The following FAM227B variants were observed in gnomAD, a reference collection of about 807,000 sequenced individuals.
FAM227B encodes protein FAM227B.
In FAM227B, 88 loss-of-function variants were observed where a neutral mutation model predicts 73.8. That is an observed-to-expected ratio of 1.19 (90% CI 1.00 to 1.42). The LOEUF (loss-of-function observed/expected upper bound fraction) is 1.42. Among genes scored for constraint, FAM227B ranks in the 40% most tolerant of loss-of-function variants. The pLI is 0.00. For synonymous variants in FAM227B, 210 were observed against 190.5 expected, an observed-to-expected ratio of 1.10 and a Z score of -0.84; for missense variants, 632 against 590.9, an observed-to-expected ratio of 1.07 and a Z score of -0.72.
At chr15:49,475,601 A>G (rs1369834880) in intron 11 of FAM227B, among the ~76,000 whole-genome samples, 5 of 133,784 alleles carry the variant, frequency 3.7e-5, no homozygotes, top group African/African-American at 1.2e-4. Flanking sequence ...TTTATTATTT[A>G]TTAAATTTAT....
At chr15:49,373,503 G>A (rs2045972790) in intron 11 of FAM227B, among the ~76,000 whole-genome samples, 1 of 151,712 alleles carries the variant, frequency 6.6e-6, no homozygotes, top group Non-Finnish European at 1.5e-5. Context: ...CTGAAAGCTT[G>A]GGAATATTAC....
intron 9 of FAM227B, among the ~76,000 whole-genome samples, chr15:49,563,592 C>A (rs28871940): frequency 2.0e-5 from 3 of 151,936 alleles, no homozygotes; most frequent in Non-Finnish European, 4.4e-5. Flanking sequence ...CTTCTGACTA[C>A]ACTATAAGGT....
chr15:49,535,802 G>C (rs987050516), intron 10 of FAM227B, among the ~76,000 whole-genome samples: 4 of 151,708 alleles, frequency 2.6e-5, no homozygotes, highest in Non-Finnish European at 5.9e-5. Context: ...AACACAATCA[G>C]TTATGATAGC....
At chr15:49,396,401 G>A (rs1232296889) in intron 11 of FAM227B, 7 of 213,556 alleles carry the variant, frequency 3.3e-5, no homozygotes, top group Admixed American at 2.1e-4. Flanking sequence ...AAACTGCAAG[G>A]CGGCAGCGAG....
rs188745565 is a variant in FAM227B, at chr15:49,565,199, T to C, written c.747+3046A>G. 2.1e-3 allele frequency among the ~76,000 whole-genome samples: 314 copies of C among 151,882 alleles called. 1 individual carries two copies. The highest frequency in any genetic ancestry group is 6.9e-3 in the South Asian group (33 of 4,792). On this transcript the variant is annotated intron_variant, in intron 9 of 15. Transcript: ENST00000299338. The stretch of plus-strand genomic sequence containing the variant: ...GAGTTCAAGAACAGTGTGGCCAATA[T>C]GGTGAAACCCCGTCTCTACTAAAAA...
chr15:49,441,571 T>C (rs547025108), intron 11 of FAM227B, among the ~76,000 whole-genome samples: 6 of 151,660 alleles, frequency 4.0e-5, no homozygotes, highest in African/African-American at 4.8e-5. Context: ...AGGATTTCCA[T>C]ATATAGAGAG....
At position 49,611,214 on chromosome 15, in the gene FAM227B, C is replaced by G. The variant is rs768626656; in HGVS notation, c.105+1G>C. On this transcript the variant is annotated splice_donor_variant, in intron 3 of 15. Coordinates refer to ENST00000299338, the MANE Select transcript of FAM227B (RefSeq NM_152647.3). LOFTEE classifies it high-confidence loss of function. ...CACATAAAATAAGATGCTTTACTCA[C>G]CCAATTTTGAAACTTTAAGAATTCT... 1.3e-6 allele frequency: 2 copies of G among 1,576,714 alleles called. No homozygotes were observed. Among genetic ancestry groups the G allele is most frequent in the Non-Finnish European group, 1.7e-6 (2 of 1,149,126 alleles).
intron 8 of FAM227B, among the ~76,000 whole-genome samples, chr15:49,573,894 G>A (rs889377633): frequency 6.6e-6 from 1 of 152,128 alleles, no homozygotes; most frequent in Non-Finnish European, 1.5e-5. Context: ...TATACGTACT[G>A]ATTTGTGTAT....
At chr15:49,620,270 T>C (rs2078607027) in intron 1 of FAM227B, 1 of 152,258 alleles carries the variant, frequency 6.6e-6, no homozygotes, top group South Asian at 2.1e-4. Context: ...CATGCTTTAC[T>C]TGATATCGTG....
At chr15:49,411,234 A>AG (rs2151685081) in intron 11 of FAM227B, among the ~76,000 whole-genome samples, 1 of 152,196 alleles carries the variant, frequency 6.6e-6, no homozygotes, top group Admixed American at 6.6e-5. Flanking sequence ...CTGTAAACCA[A>AG]GGAAGTGAAA....
At chr15:49,548,005 C>G (rs2072200052) in intron 9 of FAM227B, among the ~76,000 whole-genome samples, 1 of 152,182 alleles carries the variant, frequency 6.6e-6, no homozygotes, top group African/African-American at 2.4e-5. Flanking sequence ...AGTCTACCAA[C>G]AACTTCAGAA....
At chr15:49,500,455 G>A (rs577959781) in intron 11 of FAM227B, among the ~76,000 whole-genome samples, 1 of 152,340 alleles carries the variant, frequency 6.6e-6, no homozygotes, top group South Asian at 2.1e-4. Context: ...GTCAAAGGAG[G>A]TTATTTTGGA....
intron 11 of FAM227B, chr15:49,424,134 C>G: frequency 1.8e-6 from 1 of 567,002 alleles, no homozygotes; most frequent in Non-Finnish European, 3.1e-6. Context: ...GTGTTGTTAT[C>G]AGGAACTAAA....
intron 9 of FAM227B, among the ~76,000 whole-genome samples, chr15:49,561,060 C>A (rs2074218443): frequency 1.3e-5 from 2 of 152,104 alleles, no homozygotes; most frequent in Non-Finnish European, 2.9e-5. Context: ...TGTCTTAATG[C>A]CCCACTTAAA....
intron 3 of FAM227B, among the ~76,000 whole-genome samples, chr15:49,605,250 C>G (rs1321607166): frequency 6.6e-6 from 1 of 152,122 alleles, no homozygotes; most frequent in Non-Finnish European, 1.5e-5. Context: ...GTCAGGTAAG[C>G]TGACTTGGTA....
chr15:49,456,195 C>A (rs1203023260), intron 11 of FAM227B, among the ~76,000 whole-genome samples: 1 of 151,794 alleles, frequency 6.6e-6, no homozygotes, highest in Non-Finnish European at 1.5e-5. Context: ...AGAATTAATT[C>A]TTTAGAATTT....
chr15:49,354,297 C>G (rs903498951), intron 13 of FAM227B, among the ~76,000 whole-genome samples: 1 of 152,200 alleles, frequency 6.6e-6, no homozygotes, highest in Non-Finnish European at 1.5e-5. Flanking sequence ...GTGAGCGACG[C>G]AGAAGACGGG....
chr15:49,421,138 A>T (rs948302040), intron 11 of FAM227B, among the ~76,000 whole-genome samples: 1 of 152,222 alleles, frequency 6.6e-6, no homozygotes, highest in Non-Finnish European at 1.5e-5. Context: ...CAAGAGCAAC[A>T]AACGGTTGCC....
At position 49,470,417 on chromosome 15, in the gene FAM227B, T is replaced by C. The variant is rs570918288; in HGVS notation, c.1012+37794A>G. On this transcript the variant is annotated intron_variant, in intron 11 of 15. Coordinates refer to ENST00000299338, the MANE Select transcript of FAM227B (RefSeq NM_152647.3). ...ATATCTAGTACAGCTACAATTTCAC[T>C]GTGGATCTAGATCACAAAGTGATTT... 5.3e-5 allele frequency among the ~76,000 whole-genome samples: 8 copies of C among 152,342 alleles called. No individual in the cohort carries two copies. In the South Asian group the frequency reaches 1.7e-3, roughly 32 times the overall value.
Sources: allele counts gnomAD v4.1 joint callset (sites outside exome capture counted in the v4.1 genomes callset), GRCh38; gene constraint gnomAD v4.1.1; transcripts MANE v1.5; gene names NCBI Gene and HGNC (gene_info 2026-07-23, HGNC 2026-07-21).